The following FAM107B variants were observed in gnomAD, a reference collection of about 807,000 sequenced individuals.
FAM107B encodes the protein family with sequence similarity 107 member B, also known as protein FAM107B.
Under a neutral mutation model 31.5 loss-of-function variants are expected in FAM107B, and 21 were observed. That is an observed-to-expected ratio of 0.67 (90% CI 0.47 to 0.96). The LOEUF (loss-of-function observed/expected upper bound fraction) is 0.96, where lower values mean the gene tolerates loss of function less well. FAM107B is among the 40% of genes least tolerant of loss of function. The probability of loss-of-function intolerance (pLI) is 0.00; values close to 1 mark genes in which losing one functional copy is unlikely to be tolerated. For missense variants in FAM107B, 452 were observed against 377.1 expected, an observed-to-expected ratio of 1.20 and a Z score of -1.64; for synonymous variants, 157 against 141.5, an observed-to-expected ratio of 1.11 and a Z score of -0.78.
chr10:14,720,241 A>G (rs371155896), intron 1 of FAM107B, among the ~76,000 whole-genome samples: 2 of 152,160 alleles, frequency 1.3e-5, no homozygotes, highest in African/African-American at 4.8e-5. Flanking sequence ...GTAAAAAGAC[A>G]TATGTTTTTT....
intron 1 of FAM107B, among the ~76,000 whole-genome samples, chr10:14,710,285 A>C (rs952259682): frequency 6.6e-6 from 1 of 152,138 alleles, no homozygotes; most frequent in Non-Finnish European, 1.5e-5. Context: ...CATCTCTACA[A>C]AAAATGAAAA....
At chr10:14,535,778 C>A (rs1045638468) in intron 2 of FAM107B, among the ~76,000 whole-genome samples, 4 of 152,200 alleles carry the variant, frequency 2.6e-5, no homozygotes, top group African/African-American at 9.6e-5. Context: ...CAGACAGACA[C>A]ACTATGCACT....
intron 1 of FAM107B, among the ~76,000 whole-genome samples, chr10:14,707,149 C>T: frequency 6.6e-6 from 1 of 151,504 alleles, no homozygotes; most frequent in African/African-American, 2.4e-5. Context: ...ACAACAACAA[C>T]AAAAAAACAA....
rs563093155 is a variant in FAM107B, at chr10:14,634,509, A to C, written c.469+33125T>G. Among the ~76,000 whole-genome samples the C allele has an allele frequency of 3.9e-5, 6 of 152,250 alleles. 1 individual carries two copies. The East Asian group carries it at 1.2e-3, about 29-fold the overall frequency. On this transcript the variant is annotated intron_variant, in intron 2 of 4. Transcript: ENST00000181796. ...GGAAATAGCTTTTCAAGAGAATGGGAATCAATAGAGGGAAAGTTGATGAAA... is the reference window on the plus strand; with the variant it reads ...GGAAATAGCTTTTCAAGAGAATGGGCATCAATAGAGGGAAAGTTGATGAAA...
At chr10:14,657,993 T>C (rs904077465) in intron 2 of FAM107B, among the ~76,000 whole-genome samples, 1 of 152,018 alleles carries the variant, frequency 6.6e-6, no homozygotes, top group Non-Finnish European at 1.5e-5. Flanking sequence ...TCTCTTTTTT[T>C]GTAGGTTGGG....
intron 1 of FAM107B, among the ~76,000 whole-genome samples, chr10:14,668,595 T>G (rs1230520474): frequency 6.6e-6 from 1 of 152,202 alleles, no homozygotes; most frequent in Non-Finnish European, 1.5e-5. Context: ...GGGAGATAAA[T>G]TAAGAGGAAT....
At chr10:14,627,366 A>T (rs1853191879) in intron 2 of FAM107B, among the ~76,000 whole-genome samples, 1 of 152,240 alleles carries the variant, frequency 6.6e-6, no homozygotes, top group Non-Finnish European at 1.5e-5. Context: ...ATGGATAAAC[A>T]GACAGGAGGA....
chr10:14,680,514 C>T (rs141290855), intron 1 of FAM107B, among the ~76,000 whole-genome samples: 2,701 of 148,092 alleles, frequency 0.018, 68 homozygotes, highest in African/African-American at 0.064. Flanking sequence ...GCAGAGGTTG[C>T]AGTGAACTGA....
chr10:14,670,824 C>T (rs1854522643), intron 1 of FAM107B, among the ~76,000 whole-genome samples: 1 of 152,240 alleles, frequency 6.6e-6, no homozygotes, highest in African/African-American at 2.4e-5. Context: ...AATAAACAAG[C>T]ATCTGTCCTC....
At position 14,597,410 on chromosome 10, in the gene FAM107B, T is replaced by C. The variant is rs531119216; in HGVS notation, c.470-66895A>G. ...ATTAATAATGGCACAGAAAAGCTTA[T>C]ACCACAGTAATGACAGCCCTCTTTC... On this transcript the variant is annotated intron_variant, in intron 2 of 4. Transcript: ENST00000181796. Among the ~76,000 whole-genome samples, 224 of 152,370 alleles carry C rather than the reference T, an allele frequency of 1.5e-3. 1 individual carries two copies. Among genetic ancestry groups the C allele is most frequent in the Middle Eastern group, 3.4e-3 (1 of 294 alleles).
intron 2 of FAM107B, among the ~76,000 whole-genome samples, chr10:14,637,372 C>T (rs190061367): frequency 1.5e-4 from 23 of 152,278 alleles, no homozygotes; most frequent in Admixed American, 3.3e-4. Flanking sequence ...CAGTGACTCA[C>T]GCCACTAATC....
At chr10:14,668,681 A>T (rs1472776725) in intron 1 of FAM107B, among the ~76,000 whole-genome samples, 2 of 152,224 alleles carry the variant, frequency 1.3e-5, no homozygotes, top group African/African-American at 2.4e-5. Flanking sequence ...TCCCTTCATT[A>T]AACAAATATT....
At chr10:14,540,689 C>A (rs1423875343) in intron 2 of FAM107B, among the ~76,000 whole-genome samples, 1 of 152,252 alleles carries the variant, frequency 6.6e-6, no homozygotes. Context: ...CCTTCTGCTA[C>A]AAGAGCTGTT....
At chr10:14,567,623 G>T (rs901258968) in intron 2 of FAM107B, among the ~76,000 whole-genome samples, 1 of 152,166 alleles carries the variant, frequency 6.6e-6, no homozygotes, top group Admixed American at 6.5e-5. Flanking sequence ...CCAGGAGAGT[G>T]AAGTAAGGGA....
intron 2 of FAM107B, among the ~76,000 whole-genome samples, chr10:14,553,941 C>T (rs1451018772): frequency 6.6e-6 from 1 of 152,106 alleles, no homozygotes; most frequent in Non-Finnish European, 1.5e-5. Flanking sequence ...CAGGCTGACT[C>T]GTTTTAAAGC....
At position 14,521,088 on chromosome 10, in the gene FAM107B, C is replaced by T. The variant is rs1845583420; in HGVS notation, c.*102G>A. On this transcript the variant is annotated 3_prime_UTR_variant, in exon 5 of 5. Coordinates refer to ENST00000181796, the MANE Select transcript of FAM107B (RefSeq NM_031453.4). ...AAATCCTACTGCAAGTCAAAATTCT[C>T]TGCTGGCTGAAATATTCTCCAGGGG... 3 of 917,308 alleles carry T rather than the reference C, an allele frequency of 3.3e-6. No homozygotes were observed. The highest frequency in any genetic ancestry group is 3.4e-6 in the Non-Finnish European group (2 of 592,710). 56.8% of individuals were successfully genotyped at this position (917,308 alleles called of 1,614,324 possible).
chr10:14,652,856 G>C (rs1853936395), intron 2 of FAM107B: 1 of 152,198 alleles, frequency 6.6e-6, no homozygotes, highest in Admixed American at 6.5e-5. Context: ...GAAAGTTATA[G>C]TCATCCGAAG....
intron 3 of FAM107B, chr10:14,528,021 T>A (rs542847785): frequency 7.6e-6 from 3 of 394,424 alleles, no homozygotes; most frequent in African/African-American, 6.5e-5. Flanking sequence ...TTTAATGTAT[T>A]TCCAACCAGA....
At chr10:14,554,241 A>C (rs1478668391) in intron 2 of FAM107B, 1 of 681,326 alleles carries the variant, frequency 1.5e-6, no homozygotes, top group Non-Finnish European at 1.8e-6. Context: ...CTTCCCACCT[A>C]CCTTATGGCA....
Sources: gnomAD v4.1 joint callset for allele counts (sites outside exome capture counted in the v4.1 genomes callset) on GRCh38, gnomAD v4.1.1 for gene constraint, MANE v1.5 for transcripts, NCBI Gene and HGNC (gene_info 2026-07-23, HGNC 2026-07-21) for gene names.